The following ADAMTS16 variants were observed in gnomAD, a reference collection of about 807,000 sequenced individuals.
ADAMTS16 encodes the protein A disintegrin and metalloproteinase with thrombospondin motifs 16.
In ADAMTS16, 94 loss-of-function variants were observed where a neutral mutation model predicts 145.8. That is an observed-to-expected ratio of 0.64 (90% CI 0.55 to 0.77). ADAMTS16 has a LOEUF of 0.77. ADAMTS16 is among the 30% of genes least tolerant of loss of function. ADAMTS16 has a pLI of 0.00. For missense variants in ADAMTS16, 1,585 were observed against 1,591.5 expected, an observed-to-expected ratio of 1.00 and a Z score of 0.07; for synonymous variants, 659 against 604.3, an observed-to-expected ratio of 1.09 and a Z score of -1.33.
intron 21 of ADAMTS16, among the ~76,000 whole-genome samples, chr5:5,309,559 G>A (rs34036802): frequency 0.067 from 10,187 of 152,268 alleles, 480 homozygotes; most frequent in South Asian, 0.12. Context: ...TCCGTCTTTA[G>A]AGAAGTTTCC....
intron 9 of ADAMTS16, among the ~76,000 whole-genome samples, chr5:5,207,641 G>T (rs368976683): frequency 6.6e-6 from 1 of 151,556 alleles, no homozygotes. Context: ...TTTAAGTTTC[G>T]CACCATTAAT....
In ADAMTS16 at chr5:5,310,420, C is replaced by G. The variant is rs1440244118; in HGVS notation, c.3411+3692C>G. On this transcript the variant is annotated intron_variant, in intron 21 of 22. Transcript: ENST00000274181. The surrounding 1 kb of genome is among the most constrained non-coding windows in gnomAD (Gnocchi z 4.3). Reference sequence around the variant, plus strand: ...GTAATGTCTCCAAAACTCATGTCCACCCGGGACCTCAGAATATAATCTTAT... The same window carrying G: ...GTAATGTCTCCAAAACTCATGTCCAGCCGGGACCTCAGAATATAATCTTAT... 6.6e-6 allele frequency among the ~76,000 whole-genome samples: 1 copy of G among 152,212 alleles called. No homozygotes were observed. The highest frequency in any genetic ancestry group is 1.5e-5 in the Non-Finnish European group (1 of 68,034).
In ADAMTS16 at chr5:5,208,788, G is replaced by A. The variant is rs536577879; in HGVS notation, c.1452-305G>A. Among the ~76,000 whole-genome samples the A allele has an allele frequency of 2.7e-3, 413 of 152,334 alleles. 1 individual carries two copies. The highest frequency in any genetic ancestry group is 9.6e-3 in the African/African-American group (398 of 41,588). ...GATGTCCATCATAAGAGCTTCTCATGTTGAACACTGGTTGTAATTATTCAG... is the reference window on the plus strand; with the variant it reads ...GATGTCCATCATAAGAGCTTCTCATATTGAACACTGGTTGTAATTATTCAG... On this transcript the variant is annotated intron_variant, in intron 9 of 22. Transcript: ENST00000274181.
intron 3 of ADAMTS16, among the ~76,000 whole-genome samples, chr5:5,181,302 C>T (rs1735331575): frequency 6.6e-6 from 1 of 152,160 alleles, no homozygotes; most frequent in Admixed American, 6.5e-5. Context: ...GTAAGATTGC[C>T]TGCTTGTCCT....
chr5:5,318,394 C>G (rs1465628678), intron 22 of ADAMTS16, 113 bp downstream of exon 22: 6 of 1,100,644 alleles, frequency 5.5e-6, no homozygotes, highest in African/African-American at 1.6e-5. Flanking sequence ...TCTACCTTTT[C>G]TCTCTTTGCA....
intron 22 of ADAMTS16, 34 bp downstream of exon 22, chr5:5,318,315 C>T (rs758946174): frequency 7.2e-7 from 1 of 1,385,202 alleles, no homozygotes; most frequent in Non-Finnish European, 9.5e-7. Flanking sequence ...ATGACCTGGG[C>T]ATGGGGCTGG....
intron 3 of ADAMTS16, among the ~76,000 whole-genome samples, chr5:5,166,976 T>A (rs907913926): frequency 3.3e-5 from 5 of 152,180 alleles, no homozygotes; most frequent in Non-Finnish European, 7.3e-5. Flanking sequence ...ACTGAAATAA[T>A]AACCCTATTT....
At chr5:5,300,205 A>AG (rs1420388259) in intron 18 of ADAMTS16, among the ~76,000 whole-genome samples, 1 of 152,216 alleles carries the variant, frequency 6.6e-6, no homozygotes, top group Non-Finnish European at 1.5e-5. Context: ...GTAATTTATA[A>AG]GGCTGCAGGA....
chr5:5,278,216 T>A (rs2126465681), intron 18 of ADAMTS16, among the ~76,000 whole-genome samples: 1 of 152,312 alleles, frequency 6.6e-6, no homozygotes, highest in South Asian at 2.1e-4. Context: ...CCAACCTCAA[T>A]GACCCGGTGC....
intron 9 of ADAMTS16, among the ~76,000 whole-genome samples, chr5:5,206,733 C>T (rs934645302): frequency 2.0e-5 from 3 of 152,088 alleles, no homozygotes; most frequent in Admixed American, 6.5e-5. Context: ...CCACCTTCCT[C>T]AGCCTCCCTA....
intron 11 of ADAMTS16, chr5:5,223,131 T>G (rs988077877): frequency 2.0e-6 from 1 of 507,038 alleles, no homozygotes; most frequent in Non-Finnish European, 3.6e-6. Context: ...AGACAACAGG[T>G]GATGACAGAT....
intron 18 of ADAMTS16, among the ~76,000 whole-genome samples, chr5:5,302,751 T>A (rs1270466556): frequency 6.6e-6 from 1 of 152,194 alleles, no homozygotes; most frequent in African/African-American, 2.4e-5. Context: ...CCTTCAGGGA[T>A]GTTAACGAAT....
intron 10 of ADAMTS16, among the ~76,000 whole-genome samples, chr5:5,217,741 T>A (rs746938597): frequency 2.6e-5 from 4 of 152,228 alleles, no homozygotes; most frequent in Non-Finnish European, 5.9e-5. Context: ...GAGAGAGGCT[T>A]CATTAAAGAT....
chr5:5,233,025 A>G (rs1363205765), intron 12 of ADAMTS16, among the ~76,000 whole-genome samples: 2 of 95,922 alleles, frequency 2.1e-5, no homozygotes, highest in Admixed American at 2.9e-4. Flanking sequence ...GCTTATAACT[A>G]CCTGACCACA....
intron 9 of ADAMTS16, among the ~76,000 whole-genome samples, chr5:5,202,837 A>G (rs550247299): frequency 6.6e-6 from 1 of 152,230 alleles, no homozygotes; most frequent in Non-Finnish European, 1.5e-5. Flanking sequence ...GTCCAAAAAA[A>G]GTTTTGAAAC....
intron 3 of ADAMTS16, among the ~76,000 whole-genome samples, chr5:5,148,157 TTA>T (rs1734354686): frequency 6.6e-6 from 1 of 152,242 alleles, no homozygotes; most frequent in South Asian, 2.1e-4. Flanking sequence ...GAAGAGAAAT[TTA>T]TATGTCTTCT....
intron 18 of ADAMTS16, among the ~76,000 whole-genome samples, chr5:5,276,154 C>T (rs565303261): frequency 2.6e-5 from 4 of 152,266 alleles, no homozygotes; most frequent in East Asian, 1.9e-4. Flanking sequence ...CCACAGTGCC[C>T]GGCCAAACCT....
chr5:5,201,077 C>T (rs1015860289), intron 9 of ADAMTS16, among the ~76,000 whole-genome samples: 8 of 152,214 alleles, frequency 5.3e-5, no homozygotes, highest in African/African-American at 1.9e-4. Flanking sequence ...TGGAAAGTCT[C>T]TGCTCCACAC....
At chr5:5,217,069 T>A (rs1240970190) in intron 10 of ADAMTS16, among the ~76,000 whole-genome samples, 1 of 152,040 alleles carries the variant, frequency 6.6e-6, no homozygotes, top group East Asian at 1.9e-4. Context: ...ATAAACATAC[T>A]TTGACAAACT....
Sources: gnomAD v4.1 joint callset for allele counts (sites outside exome capture counted in the v4.1 genomes callset) on GRCh38, gnomAD v4.1.1 for gene constraint, Gnocchi (gnomAD v3.1) non-coding constraint, MANE v1.5 for transcripts, NCBI Gene and HGNC (gene_info 2026-07-23, HGNC 2026-07-21) for gene names.